The following ADIPOR2 variants were observed in gnomAD, a reference collection of about 807,000 sequenced individuals.
ADIPOR2 encodes adiponectin receptor 2, also known as adiponectin receptor protein 2.
ADIPOR2 carries 18 observed loss-of-function variants against 40.9 expected under a neutral mutation model. That is an observed-to-expected ratio of 0.44 (90% CI 0.30 to 0.65). The LOEUF (loss-of-function observed/expected upper bound fraction) is 0.65. ADIPOR2 is among the 30% of genes least tolerant of loss of function. The pLI is 0.09. For missense variants in ADIPOR2, 283 were observed against 479.2 expected (o/e 0.59, Z 3.82); for synonymous variants, 165 against 166.4 (o/e 0.99, Z 0.06).
At chr12:1,730,388 C>T (rs1305969314) in intron 1 of ADIPOR2, among the ~76,000 whole-genome samples, 4 of 151,640 alleles carry the variant, frequency 2.6e-5, no homozygotes, top group African/African-American at 7.3e-5. Flanking sequence ...GAGGCCAAGG[C>T]GAGTGGATCA....
intron 2 of ADIPOR2, 115 bp from the exon 3 acceptor site, chr12:1,772,727 C>CT: frequency 7.6e-7 from 1 of 1,307,462 alleles, no homozygotes; most frequent in South Asian, 1.8e-5. Context: ...TGATTCTTGT[C>CT]TAAGGCCTTG....
chr12:1,763,582 AT>A (rs1862313518), intron 2 of ADIPOR2, among the ~76,000 whole-genome samples: 1 of 148,388 alleles, frequency 6.7e-6, no homozygotes, highest in Admixed American at 6.6e-5. Context: ...ATCTTTCTTT[AT>A]TTCTTTTTGT....
intron 1 of ADIPOR2, among the ~76,000 whole-genome samples, chr12:1,741,177 C>A (rs906934214): frequency 6.6e-6 from 1 of 152,110 alleles, no homozygotes; most frequent in African/African-American, 2.4e-5. Flanking sequence ...GGAATAAAAT[C>A]TGGAGGGATT....
intron 6 of ADIPOR2, 76 bp downstream of exon 6, chr12:1,781,152 C>A: frequency 1.4e-6 from 2 of 1,401,364 alleles, no homozygotes; most frequent in South Asian, 1.5e-5. Flanking sequence ...AAAGTTCTAC[C>A]ATTTGCCAAA....
At chr12:1,695,025 T>G (rs866543348) in intron 1 of ADIPOR2, among the ~76,000 whole-genome samples, 30 of 124,112 alleles carry the variant, frequency 2.4e-4, no homozygotes, top group Admixed American at 9.7e-4. Flanking sequence ...TTTTTTTTTT[T>G]TTGTTTTGTT....
chr12:1,734,462 GT>G (rs2094726447), intron 1 of ADIPOR2, among the ~76,000 whole-genome samples: 2 of 151,704 alleles, frequency 1.3e-5, no homozygotes, highest in Non-Finnish European at 2.9e-5. Flanking sequence ...GGGGTCGTTT[GT>G]TTTTTTCTTG....
intron 1 of ADIPOR2, among the ~76,000 whole-genome samples, chr12:1,731,207 T>C (rs1227524033): frequency 6.6e-6 from 1 of 152,100 alleles, no homozygotes; most frequent in Non-Finnish European, 1.5e-5. Context: ...ACTACAGGCA[T>C]GTGACACTGC....
At chr12:1,750,520 A>C (rs2094766900) in intron 1 of ADIPOR2, among the ~76,000 whole-genome samples, 1 of 151,850 alleles carries the variant, frequency 6.6e-6, no homozygotes, top group South Asian at 2.1e-4. Context: ...GTGAGGTATG[A>C]TTGCACCATT....
intron 1 of ADIPOR2, among the ~76,000 whole-genome samples, chr12:1,710,611 ACTCTTCAGAGTT>A (rs2094674624): frequency 1.3e-5 from 2 of 151,478 alleles, no homozygotes; most frequent in Non-Finnish European, 2.9e-5. Flanking sequence ...ACAACCCCCG[ACTCTTCAGAGTT>A]GGGAGCGTTG....
intron 1 of ADIPOR2, among the ~76,000 whole-genome samples, chr12:1,693,699 AATTT>A (rs2094632201): frequency 6.6e-6 from 1 of 151,424 alleles, no homozygotes; most frequent in Non-Finnish European, 1.5e-5. Context: ...AAGCCCGGCC[AATTT>A]TTTTTTTGTA....
At chr12:1,698,951 A>G (rs1459339867) in intron 1 of ADIPOR2, among the ~76,000 whole-genome samples, 1 of 152,190 alleles carries the variant, frequency 6.6e-6, no homozygotes, top group East Asian at 1.9e-4. Flanking sequence ...GCTTTGTTTC[A>G]ATAGCATTCT....
At chr12:1,777,647 G>C (rs1042578046) in intron 3 of ADIPOR2, among the ~76,000 whole-genome samples, 3 of 152,058 alleles carry the variant, frequency 2.0e-5, no homozygotes, top group Non-Finnish European at 4.4e-5. Context: ...TAAAGCCTTA[G>C]CCACCATGCC....
intron 1 of ADIPOR2, among the ~76,000 whole-genome samples, chr12:1,732,147 A>T (rs756061674): frequency 5.9e-4 from 90 of 152,146 alleles, no homozygotes; most frequent in Admixed American, 1.7e-3. Flanking sequence ...TACATTTGTT[A>T]CAGTTTATGA....
chr12:1,730,137 G>A (rs2094716751), intron 1 of ADIPOR2, among the ~76,000 whole-genome samples: 1 of 152,016 alleles, frequency 6.6e-6, no homozygotes. Context: ...TTGGTTAGCT[G>A]GGGGAATTCT....
At chr12:1,752,937 C>T (rs1455823507) in intron 1 of ADIPOR2, among the ~76,000 whole-genome samples, 1 of 152,220 alleles carries the variant, frequency 6.6e-6, no homozygotes, top group East Asian at 1.9e-4. Context: ...GGCCCAGGTA[C>T]ATGCCCAGGT....
intron 1 of ADIPOR2, among the ~76,000 whole-genome samples, chr12:1,706,245 A>G (rs942250018): frequency 6.6e-6 from 1 of 152,224 alleles, no homozygotes; most frequent in African/African-American, 2.4e-5. Flanking sequence ...AATGTTACCT[A>G]TGTAACAGCA....
intron 1 of ADIPOR2, among the ~76,000 whole-genome samples, chr12:1,710,389 C>T (rs548353082): frequency 3.9e-5 from 6 of 152,074 alleles, no homozygotes; most frequent in South Asian, 2.1e-4. Context: ...TTGAAGTTAG[C>T]GAGACCACGA....
At chr12:1,695,857 A>G (rs369431290) in intron 1 of ADIPOR2, 2 of 143,474 alleles carry the variant, frequency 1.4e-5, no homozygotes, top group African/African-American at 2.6e-5. Context: ...TTATTTTTCT[A>G]TTTTTTTTTT....
chr12:1,727,488 T>A (rs1034538269), intron 1 of ADIPOR2, among the ~76,000 whole-genome samples: 5 of 152,202 alleles, frequency 3.3e-5, no homozygotes, highest in African/African-American at 1.2e-4. Context: ...AAATATTCTT[T>A]ATTAATTAAA....
Sources: gnomAD v4.1 joint callset for allele counts (sites outside exome capture counted in the v4.1 genomes callset) on GRCh38, gnomAD v4.1.1 for gene constraint, MANE v1.5 for transcripts, NCBI Gene and HGNC (gene_info 2026-07-23, HGNC 2026-07-21) for gene names.